KDM4C: variants seen among roughly 807,000 people sequenced by gnomAD.
KDM4C encodes lysine demethylase 4C, also known as lysine-specific demethylase 4C.
In KDM4C, 81 loss-of-function variants were observed where a neutral mutation model predicts 129.3. The ratio of observed to expected loss-of-function variants is 0.63; its 90% CI spans 0.52 to 0.75. KDM4C has a LOEUF of 0.75. KDM4C is among the 30% of genes least tolerant of loss of function. KDM4C has a pLI of 0.00. For missense variants in KDM4C, 1,457 were observed against 1,304.0 expected (o/e 1.12, Z -1.81); for synonymous variants, 573 against 456.1 (o/e 1.26, Z -3.26).
chr9:7,155,011 A>G (rs1170751011), intron 19 of KDM4C, among the ~76,000 whole-genome samples: 1 of 152,264 alleles, frequency 6.6e-6, no homozygotes, highest in East Asian at 1.9e-4. Flanking sequence ...TACTTACTCC[A>G]GTAACATACT....
intron 19 of KDM4C, among the ~76,000 whole-genome samples, chr9:7,135,370 T>C (rs1841087315): frequency 6.6e-6 from 1 of 152,234 alleles, no homozygotes; most frequent in Non-Finnish European, 1.5e-5. Context: ...TGGCACTTCC[T>C]TCCCACTTTT....
At chr9:6,848,928 G>T (rs1268907418) in intron 4 of KDM4C, among the ~76,000 whole-genome samples, 1 of 152,232 alleles carries the variant, frequency 6.6e-6, no homozygotes, top group Non-Finnish European at 1.5e-5. Flanking sequence ...ACAGTGATCA[G>T]TGGATACTGC....
chr9:7,074,271 C>G (rs185374888), intron 17 of KDM4C, among the ~76,000 whole-genome samples: 1 of 152,174 alleles, frequency 6.6e-6, no homozygotes, highest in African/African-American at 2.4e-5. Flanking sequence ...TCAAACAATT[C>G]TCCTGCCTCA....
chr9:6,829,572 A>G (rs995520366), intron 4 of KDM4C, among the ~76,000 whole-genome samples: 8 of 152,222 alleles, frequency 5.3e-5, no homozygotes, highest in Non-Finnish European at 1.2e-4. Context: ...CTCAGACTGA[A>G]TGTTAGGGTT....
intron 19 of KDM4C, among the ~76,000 whole-genome samples, chr9:7,146,335 A>C (rs1842213418): frequency 6.6e-6 from 1 of 152,164 alleles, no homozygotes; most frequent in Non-Finnish European, 1.5e-5. Flanking sequence ...TTATAATCAG[A>C]AAAAGTTTTT....
intron 1 of KDM4C, chr9:6,723,996 T>A (rs1425676391): frequency 6.6e-6 from 1 of 152,202 alleles, no homozygotes; most frequent in Non-Finnish European, 1.5e-5. Flanking sequence ...ATTAAAACAG[T>A]GATCGTGGGA....
At chr9:7,071,079 A>T (rs965179215) in intron 17 of KDM4C, among the ~76,000 whole-genome samples, 12 of 152,332 alleles carry the variant, frequency 7.9e-5, no homozygotes, top group Admixed American at 7.8e-4. Context: ...ATGCCAAAAT[A>T]ATGAAATGCG....
At chr9:6,744,338 A>C (rs996755185) in intron 1 of KDM4C, among the ~76,000 whole-genome samples, 2 of 152,106 alleles carry the variant, frequency 1.3e-5, no homozygotes, top group Non-Finnish European at 2.9e-5. Flanking sequence ...ATCCTGGCTA[A>C]CATGGTGAAA....
At chr9:6,935,774 A>G (rs1824667633) in intron 8 of KDM4C, among the ~76,000 whole-genome samples, 1 of 152,162 alleles carries the variant, frequency 6.6e-6, no homozygotes, top group Admixed American at 6.5e-5. Context: ...ATGTCTTTGT[A>G]GTTTGTGTTA....
intron 17 of KDM4C, among the ~76,000 whole-genome samples, chr9:7,064,212 A>G (rs1832097264): frequency 6.6e-6 from 1 of 152,232 alleles, no homozygotes; most frequent in South Asian, 2.1e-4. Context: ...AAGTGTAAAT[A>G]CACAGCAGAT....
chr9:7,110,772 T>G (rs1838233694), intron 18 of KDM4C, among the ~76,000 whole-genome samples: 1 of 152,210 alleles, frequency 6.6e-6, no homozygotes, highest in Non-Finnish European at 1.5e-5. Flanking sequence ...AGAAACTGAC[T>G]TCATCCCAAG....
At chr9:7,035,034 C>T (rs1170796785) in intron 15 of KDM4C, among the ~76,000 whole-genome samples, 1 of 151,800 alleles carries the variant, frequency 6.6e-6, no homozygotes, top group Non-Finnish European at 1.5e-5. Context: ...GTTTTTGAGA[C>T]AGGGTCTCAC....
chr9:6,998,228 GTAATTT>G (rs763137052), intron 12 of KDM4C, among the ~76,000 whole-genome samples: 23 of 152,184 alleles, frequency 1.5e-4, no homozygotes, highest in Non-Finnish European at 2.6e-4. Context: ...CAATGTTACA[GTAATTT>G]ATTTCTTGGG....
At chr9:6,928,041 C>G (rs1822953567) in intron 8 of KDM4C, among the ~76,000 whole-genome samples, 1 of 152,200 alleles carries the variant, frequency 6.6e-6, no homozygotes, top group Non-Finnish European at 1.5e-5. Context: ...TACTCACCAT[C>G]TCTATTTTCT....
At chr9:6,807,679 C>T (rs1047466061) in intron 3 of KDM4C, among the ~76,000 whole-genome samples, 2 of 148,120 alleles carry the variant, frequency 1.4e-5, no homozygotes, top group East Asian at 2.0e-4. Flanking sequence ...GGAGCCCATC[C>T]GCCCGGCAGC....
At chr9:6,843,029 A>G (rs1476540133) in intron 4 of KDM4C, among the ~76,000 whole-genome samples, 2 of 152,178 alleles carry the variant, frequency 1.3e-5, no homozygotes, top group African/African-American at 4.8e-5. Context: ...GCCAGGGTTC[A>G]AGTGATTCTC....
intron 20 of KDM4C, among the ~76,000 whole-genome samples, chr9:7,167,344 G>A (rs1007505506): frequency 3.9e-5 from 6 of 152,076 alleles, no homozygotes; most frequent in Middle Eastern, 3.2e-3. Context: ...GAACTAGGAC[G>A]GTTGGTTACC....
chr9:7,109,634 C>T (rs911833507), intron 18 of KDM4C, among the ~76,000 whole-genome samples: 20 of 152,182 alleles, frequency 1.3e-4, no homozygotes, highest in Admixed American at 5.2e-4. Context: ...GGTAGGACTT[C>T]GCTTAGCTTA....
chr9:6,929,644 A>T (rs1823301112), intron 8 of KDM4C, among the ~76,000 whole-genome samples: 1 of 151,942 alleles, frequency 6.6e-6, no homozygotes, highest in African/African-American at 2.4e-5. Flanking sequence ...AGTTTTATTG[A>T]GGAGGAAACT....
Sources: allele counts gnomAD v4.1 joint callset (sites outside exome capture counted in the v4.1 genomes callset), GRCh38; gene constraint gnomAD v4.1.1; transcripts MANE v1.5; gene names NCBI Gene and HGNC (gene_info 2026-07-23, HGNC 2026-07-21).